The following VRK2 variants were observed in gnomAD, a reference collection of about 807,000 sequenced individuals.
The protein encoded by VRK2 is serine/threonine-protein kinase VRK2.
VRK2 carries 60 observed loss-of-function variants against 57.6 expected under a neutral mutation model. The observed-to-expected ratio is 1.04, with a 90% CI of 0.85 to 1.29. The LOEUF (loss-of-function observed/expected upper bound fraction) is 1.29. Among genes scored for constraint, VRK2 ranks in the 50% most tolerant of loss-of-function variants. The pLI is 0.00. For missense variants in VRK2, 705 were observed against 588.1 expected (o/e 1.20, Z -2.06); for synonymous variants, 231 against 199.2 (o/e 1.16, Z -1.35).
At chr2:58,033,220 C>T (rs187800686) in intron 2 of VRK2, 58 of 152,184 alleles carry the variant, frequency 3.8e-4, no homozygotes, top group Admixed American at 2.9e-3. Context: ...TTCTTTCTCT[C>T]ATTTAGTGTC....
At chr2:58,114,646 T>C (rs943924860) in intron 7 of VRK2, among the ~76,000 whole-genome samples, 6 of 151,868 alleles carry the variant, frequency 4.0e-5, no homozygotes, top group African/African-American at 1.2e-4. Flanking sequence ...CTTTAGTCCG[T>C]TCTACTTTTC....
At chr2:57,980,857 C>CT (rs955226661) in intron 1 of VRK2, among the ~76,000 whole-genome samples, 76 of 151,362 alleles carry the variant, frequency 5.0e-4, no homozygotes, top group African/African-American at 1.7e-3. Flanking sequence ...GCAACGCTTG[C>CT]TTTTTTTTTC....
chr2:58,087,010 T>A (rs573227831), intron 5 of VRK2, among the ~76,000 whole-genome samples: 9 of 152,166 alleles, frequency 5.9e-5, no homozygotes, highest in Non-Finnish European at 8.8e-5. Flanking sequence ...CAGTTCTATC[T>A]CTTGAGGAGA....
intron 3 of VRK2, among the ~76,000 whole-genome samples, chr2:58,040,212 A>G: frequency 6.6e-6 from 1 of 152,322 alleles, no homozygotes; most frequent in South Asian, 2.1e-4. Flanking sequence ...TGTATCTCTC[A>G]GCTGGAATCT....
chr2:58,083,231 AGCTAT>A lies in VRK2; in HGVS notation c.137-857_137-853del, dbSNP rs1310465326. Among the ~76,000 whole-genome samples, 98 of 151,908 alleles carry A rather than the reference AGCTAT, an allele frequency of 6.5e-4. 2 individuals carry two copies. The South Asian group carries it at 0.02, about 31-fold the overall frequency. ...ATTCTAGCTTCTTGATAAATATTTT[AGCTAT>A]TTAAATGAGTAAAGGAATGAATGGA... is the stretch of plus-strand genomic sequence containing the variant. On this transcript the variant is annotated intron_variant, in intron 2 of 12. Transcript: ENST00000340157.
chr2:58,007,710 A>G lies in VRK2; in HGVS notation c.-438-17955A>G, dbSNP rs546943038. ...AAGTTCTGGGGAAGTCAAAAGTTATACACAGATTTTCTACTGTGCAGGGAA... is the reference window on the plus strand; with the variant it reads ...AAGTTCTGGGGAAGTCAAAAGTTATGCACAGATTTTCTACTGTGCAGGGAA... On this transcript the variant is annotated intron_variant, in intron 1 of 15. Transcript: ENST00000417641. 2.0e-5 allele frequency among the ~76,000 whole-genome samples: 3 copies of G among 152,284 alleles called. No individual in the cohort carries two copies. The East Asian group carries it at 5.8e-4, about 29-fold the overall frequency.
At chr2:57,978,742 T>C (rs949664297) in intron 1 of VRK2, among the ~76,000 whole-genome samples, 29 of 150,286 alleles carry the variant, frequency 1.9e-4, no homozygotes, top group Non-Finnish European at 8.8e-5. Context: ...GTTTCATAGG[T>C]ATACATGTGT....
At chr2:58,157,457 A>C (rs1684086319) in intron 12 of VRK2, among the ~76,000 whole-genome samples, 1 of 152,132 alleles carries the variant, frequency 6.6e-6, no homozygotes, top group African/African-American at 2.4e-5. Context: ...TCCTAGCTGT[A>C]ACAACCCAAA....
At position 58,048,894 on chromosome 2, in the gene VRK2, G is replaced by T; in HGVS notation, c.63G>T (p.Leu21=). The T allele has an allele frequency of 1.2e-6, 2 of 1,614,006 alleles. No individual in the cohort carries two copies. The highest frequency in any genetic ancestry group is 1.7e-6 in the Non-Finnish European group (2 of 1,179,940). Residue 21 remains leucine (L), a synonymous_variant, in exon 2 of 13, where the codon CTG becomes CTT. Coordinates refer to ENST00000340157, the MANE Select transcript of VRK2 (RefSeq NM_006296.7). ...LPIPFPEGKV[L]DDMEGNQWVL... ...TTCCATTTCCAGAAGGCAAGGTTCTGGATGATATGGAAGGCAATCAGTGGG... is the reference window on the plus strand; with the variant it reads ...TTCCATTTCCAGAAGGCAAGGTTCTTGATGATATGGAAGGCAATCAGTGGG...
intron 2 of VRK2, among the ~76,000 whole-genome samples, chr2:58,076,918 G>T (rs1670197737): frequency 6.6e-6 from 1 of 151,774 alleles, no homozygotes; most frequent in Non-Finnish European, 1.5e-5. Flanking sequence ...CTACTCGACT[G>T]CCCTAAATGG....
rs1195098851 is a variant in VRK2, at chr2:58,046,943, G to C, written c.-6+75G>C. On this transcript the variant is annotated intron_variant, in intron 1 of 12. Transcript: ENST00000340157. ...CAGTGCCGGAGCCGCGGCCCCGCTC[G>C]GAAAAGGGCTGCCGTCGGAGTTAGA... 4 of 985,576 alleles carry C rather than the reference G, an allele frequency of 4.1e-6. No individual in the cohort carries two copies. In the South Asian group the frequency reaches 1.9e-4, roughly 46 times the overall value. The allele number at this position is 985,576 out of a possible 1,614,324, so 61.1% of individuals were successfully genotyped here. A position where few individuals can be genotyped will look rare whatever the true frequency, so the allele number is the denominator to read the frequency against.
At chr2:58,005,845 G>T (rs1222768121) in intron 1 of VRK2, among the ~76,000 whole-genome samples, 1 of 152,114 alleles carries the variant, frequency 6.6e-6, no homozygotes, top group Admixed American at 6.6e-5. Context: ...CAGTAGAAGA[G>T]ACCTCCCCAG....
chr2:57,964,468 G>A (rs1030681079), intron 1 of VRK2, among the ~76,000 whole-genome samples: 5 of 152,040 alleles, frequency 3.3e-5, no homozygotes, highest in Admixed American at 6.6e-5. Flanking sequence ...GGAGGTAGAA[G>A]GGAGACAGGA....
At chr2:58,069,857 G>C (rs1050862444) in intron 2 of VRK2, among the ~76,000 whole-genome samples, 1 of 152,156 alleles carries the variant, frequency 6.6e-6, no homozygotes, top group Non-Finnish European at 1.5e-5. Flanking sequence ...CAACTTTCAA[G>C]GTTTGGGCTT....
chr2:58,075,576 A>G (rs1381796236), intron 2 of VRK2, among the ~76,000 whole-genome samples: 1 of 152,168 alleles, frequency 6.6e-6, no homozygotes. Flanking sequence ...AATAATAGTC[A>G]TCCTGACTGG....
chr2:57,958,817 A>G (rs545918642), intron 1 of VRK2, among the ~76,000 whole-genome samples: 11 of 152,212 alleles, frequency 7.2e-5, no homozygotes, highest in African/African-American at 2.7e-4. Context: ...GGGAATGTGA[A>G]TATCTCAGTA....
chr2:58,027,361 G>T (rs1673961262), intron 2 of VRK2, among the ~76,000 whole-genome samples: 1 of 152,058 alleles, frequency 6.6e-6, no homozygotes. Flanking sequence ...GATCAGGGGT[G>T]GATAGTGGTA....
At chr2:58,117,470 T>A (rs1432272749) in intron 7 of VRK2, among the ~76,000 whole-genome samples, 1 of 149,856 alleles carries the variant, frequency 6.7e-6, no homozygotes, top group African/African-American at 2.5e-5. Flanking sequence ...AGGGGAGAGG[T>A]CACATGGGTC....
intron 1 of VRK2, among the ~76,000 whole-genome samples, chr2:58,008,017 G>A (rs577875416): frequency 5.6e-4 from 85 of 152,022 alleles, no homozygotes; most frequent in African/African-American, 2.0e-3. Flanking sequence ...TAAGAATGTA[G>A]TGTTTTGAAC....
Sources: gnomAD v4.1 joint callset for allele counts (sites outside exome capture counted in the v4.1 genomes callset) on GRCh38, gnomAD v4.1.1 for gene constraint, MANE v1.5 for transcripts, NCBI Gene and HGNC (gene_info 2026-07-23, HGNC 2026-07-21) for gene names.